DOK7: variants seen among roughly 807,000 people sequenced by gnomAD.
DOK7 encodes the protein docking protein 7, also known as protein Dok-7.
DOK7 carries 32 observed loss-of-function variants against 30.7 expected under a neutral mutation model. The ratio of observed to expected loss-of-function variants is 1.04; its 90% confidence interval spans 0.79 to 1.40. The LOEUF is 1.40. DOK7 is among the 40% of genes most tolerant of loss of function. The probability of loss-of-function intolerance (pLI) is 0.00; values close to 1 mark genes in which losing one functional copy is unlikely to be tolerated. For synonymous variants in DOK7, 447 were observed against 324.1 expected (o/e 1.38, Z -4.07); for missense variants, 1,007 against 699.2 (o/e 1.44, Z -4.97).
At chr4:3,470,374 G>A (rs999068625) in intron 2 of DOK7, among the ~76,000 whole-genome samples, 8 of 152,228 alleles carry the variant, frequency 5.3e-5, no homozygotes, top group African/African-American at 1.9e-4. Context: ...TGGGGGCCAC[G>A]CTCAGCCCCT....
In DOK7 at chr4:3,493,064, C is replaced by G. The variant is rs1342289105; in HGVS notation, c.1078C>G (p.Leu360Val). ...CCTCTCGTCCTACGCGGGCAGCAGC[C>G]TGGACGTGTGGCGGGCCACAGATGA... ...SSLSSYAGSS[L>V]DVWRATDELG... Residue 360 changes from leucine (L) to valine (V), a missense_variant, in exon 7 of 7, where the codon CTG (leucine) becomes GTG (valine). By Grantham distance (32) the Leu-to-Val change is conservative. Transcript: ENST00000340083. 3 of 1,576,014 alleles carry G rather than the reference C, an allele frequency of 1.9e-6. No homozygotes were observed. The highest frequency in any genetic ancestry group is 2.6e-6 in the Non-Finnish European group (3 of 1,165,452).
chr4:3,463,450 CG>C lies in DOK7; in HGVS notation c.54+33del, dbSNP rs71180187. 0.25 allele frequency: 291,921 copies of C among 1,183,862 alleles called. 7,380 individuals carry two copies. The highest frequency in any genetic ancestry group is 0.47 in the African/African-American group (21,268 of 44,990). The allele number at this position is 1,183,862 out of a possible 1,614,324, so 73.3% of individuals were successfully genotyped here. A position where few individuals can be genotyped will look rare whatever the true frequency, so the allele number is the denominator to read the frequency against. On this transcript the variant is annotated intron_variant, in intron 1 of 6. Coordinates refer to ENST00000340083, the MANE Select transcript of DOK7 (RefSeq NM_173660.5). ...AGAAGGTCGGGGCGCGTCGGGGGCG[CG>C]GGGGGGGGGGGCGCGGGCGCGGGCG...
At chr4:3,492,434 T>G (rs1577180825) in intron 6 of DOK7, among the ~76,000 whole-genome samples, 3 of 127,458 alleles carry the variant, frequency 2.4e-5, no homozygotes, top group Admixed American at 8.1e-5. Flanking sequence ...GAGCGTGGGG[T>G]GTTAGGCAGG....
chr4:3,485,172 GGGGCACCCATCTGTCCAGGGCA>G (rs1265091770), intron 4 of DOK7, among the ~76,000 whole-genome samples: 1 of 152,200 alleles, frequency 6.6e-6, no homozygotes, highest in Non-Finnish European at 1.5e-5. Context: ...TATGTGGGCG[GGGGCACCCATCTGTCCAGGGCA>G]GGGCACCCCC....
At position 3,473,602 on chromosome 4, in the gene DOK7, G is replaced by A. The variant is rs201351460; in HGVS notation, c.297G>A (p.Ala99=). ...LGFDSHEAMC[A]WDARIRYALG... is the part of the protein sequence containing the mutation. ...TTGACAGCCACGAGGCCATGTGTGC[G>A]TGGGATGCCCGGATCCGCTATGCGC... is the stretch of plus-strand genomic sequence containing the variant. Residue 99 remains alanine (A), a synonymous_variant, in exon 3 of 7, where the codon GCG becomes GCA. Transcript: ENST00000340083. 30 of 1,602,128 alleles carry A rather than the reference G, an allele frequency of 1.9e-5. No individual in the cohort carries two copies. Among genetic ancestry groups the A allele is most frequent in the African/African-American group, 1.5e-4 (11 of 74,780 alleles).
chr4:3,493,544 G>T lies in DOK7; in HGVS notation c.*43G>T. ...CCGCGGCTGCAAAGGGGCTGAATTT[G>T]CCCCCAGATGGCAGAGGAAGTGGCG... On this transcript the variant is annotated 3_prime_UTR_variant, in exon 7 of 7. Coordinates refer to ENST00000340083, the MANE Select transcript of DOK7 (RefSeq NM_173660.5). The T allele has an allele frequency of 6.3e-7, 1 of 1,598,682 alleles. No homozygotes were observed.
downstream of DOK7, among the ~76,000 whole-genome samples, chr4:3,494,663 G>C (rs982752929): frequency 6.7e-6 from 1 of 149,242 alleles, no homozygotes; most frequent in East Asian, 1.9e-4. Context: ...CGGAGAGGCA[G>C]CTCCGGGCAG....
chr4:3,501,023 G>A (rs1729160619), exon 8 of DOK7: 1 of 825,212 alleles, frequency 1.2e-6, no homozygotes, highest in African/African-American at 1.7e-5. Context: ...CCTCACAGGT[G>A]TCCGGGGCTG....
In DOK7 at chr4:3,500,587, C is replaced by T. The variant is rs764391954; in HGVS notation, c.1262-105C>T. 4.6e-6 allele frequency: 7 copies of T among 1,519,756 alleles called. No homozygotes were observed. The Admixed American group carries it at 6.0e-5, about 13-fold the overall frequency. 94.1% of individuals were successfully genotyped at this position (1,519,756 alleles called of 1,614,324 possible). A position where few individuals can be genotyped will look rare whatever the true frequency, so the allele number is the denominator to read the frequency against. ...GCCACATCCCCTGAGGGTGTCCCCACTCAGATGCTTCCGAGGGCCTGGCTG... is the reference window on the plus strand; with the variant it reads ...GCCACATCCCCTGAGGGTGTCCCCATTCAGATGCTTCCGAGGGCCTGGCTG... On this transcript the variant is annotated intron_variant, in intron 7 of 7. Transcript: ENST00000643608.
At chr4:3,480,808 G>A (rs1465535760) in intron 4 of DOK7, among the ~76,000 whole-genome samples, 1 of 152,264 alleles carries the variant, frequency 6.6e-6, no homozygotes, top group African/African-American at 2.4e-5. Flanking sequence ...ATTGCCGGGC[G>A]CTGGGCCTAG....
chr4:3,490,475 TCTGCTCATTCATTCCTTCCTTTTCCCC>T (rs1209990822), intron 6 of DOK7, among the ~76,000 whole-genome samples: 171 of 100,462 alleles, frequency 1.7e-3, no homozygotes, highest in Middle Eastern at 6.8e-3. Flanking sequence ...TTCTTCTCCC[TCTGCTCATTCATTCCTTCCTTTTCCCC>T]CTGCTCATTC....
chr4:3,484,948 C>G (rs2109367476), intron 4 of DOK7: 1 of 909,212 alleles, frequency 1.1e-6, no homozygotes, highest in Non-Finnish European at 1.3e-6. Context: ...GACCCCAGCT[C>G]CAGGTGGCAC....
chr4:3,480,274 C>G (rs192421205), intron 4 of DOK7, among the ~76,000 whole-genome samples: 7 of 152,292 alleles, frequency 4.6e-5, no homozygotes, highest in African/African-American at 1.4e-4. Context: ...CCTCTGGGGG[C>G]CGCCCGGAGC....
intron 2 of DOK7, among the ~76,000 whole-genome samples, chr4:3,472,857 C>T (rs904132539): frequency 6.6e-6 from 1 of 152,202 alleles, no homozygotes; most frequent in African/African-American, 2.4e-5. Flanking sequence ...GACCCAAGGC[C>T]CATCGACCTC....
In DOK7 at chr4:3,486,074, C is replaced by T. The variant is rs575408220; in HGVS notation, c.652+416C>T. Among the ~76,000 whole-genome samples, 8 of 152,328 alleles carry T rather than the reference C, an allele frequency of 5.3e-5. No homozygotes were observed. The South Asian group carries it at 1.5e-3, about 28-fold the overall frequency. ...GCTGGTCTGACTCTGCAGCTGGGGT[C>T]GGGACTGGCTCTGCCTGAGCCCGGT... On this transcript the variant is annotated intron_variant, in intron 5 of 6. Coordinates refer to ENST00000340083, the MANE Select transcript of DOK7 (RefSeq NM_173660.5).
rs748275691 is a variant in DOK7, at chr4:3,473,403, C to A, written c.101-3C>A. 1 of 1,610,684 alleles carries A rather than the reference C, an allele frequency of 6.2e-7. No homozygotes were observed. The highest frequency in any genetic ancestry group is 2.2e-5 in the East Asian group (1 of 44,866). The stretch of plus-strand genomic sequence containing the variant: ...GCGTCCCTGACGGCCACGCTCCTTG[C>A]AGACTGCCTGCTGATGCTGGTCTAC... On this transcript the variant is annotated splice_polypyrimidine_tract_variant and splice_region_variant and intron_variant, in intron 2 of 6. Transcript: ENST00000340083.
intron 2 of DOK7, 47 bp from the exon 3 acceptor site, chr4:3,473,358 CG>C (rs1388237815): frequency 5.0e-6 from 8 of 1,587,538 alleles, no homozygotes; most frequent in Non-Finnish European, 5.2e-6. Context: ...GCCAAGGGTG[CG>C]GGCAGGCGGT....
intron 2 of DOK7, among the ~76,000 whole-genome samples, chr4:3,463,779 C>CG (rs939582710): frequency 6.6e-6 from 1 of 152,180 alleles, no homozygotes; most frequent in African/African-American, 2.4e-5. Flanking sequence ...GAGGGGCTGC[C>CG]TGGTGGCCCT....
At chr4:3,471,143 C>A (rs1312747909) in intron 2 of DOK7, among the ~76,000 whole-genome samples, 1 of 152,226 alleles carries the variant, frequency 6.6e-6, no homozygotes, top group Non-Finnish European at 1.5e-5. Context: ...AGCCAGATTG[C>A]AGGGAAGACG....
Sources: allele counts gnomAD v4.1 joint callset (sites outside exome capture counted in the v4.1 genomes callset), GRCh38; gene constraint gnomAD v4.1.1; transcripts MANE v1.5; gene names NCBI Gene and HGNC (gene_info 2026-07-23, HGNC 2026-07-21).